CREM: variants seen among roughly 807,000 people sequenced by gnomAD.
CREM encodes cAMP responsive element modulator.
A neutral mutation model predicts 37.3 loss-of-function variants in CREM; 13 were observed. That is an observed-to-expected ratio of 0.35 (90% CI 0.23 to 0.55). CREM has a LOEUF of 0.55. CREM is among the 20% of genes least tolerant of loss of function. CREM has a pLI of 0.88. For synonymous variants in CREM, 124 were observed against 120.2 expected, an observed-to-expected ratio of 1.03 and a Z score of -0.21; for missense variants, 296 against 362.3, an observed-to-expected ratio of 0.82 and a Z score of 1.49.
intron 2 of CREM, 21 bp from the exon 3 acceptor site, chr10:35,148,347 T>A: frequency 6.2e-7 from 1 of 1,601,092 alleles, no homozygotes; most frequent in Non-Finnish European, 8.5e-7. Context: ...TAATTTGTCT[T>A]CCTTTTTATT....
At chr10:35,194,734 T>G (rs1216580176) in intron 6 of CREM, among the ~76,000 whole-genome samples, 1 of 137,396 alleles carries the variant, frequency 7.3e-6, no homozygotes, top group Non-Finnish European at 1.6e-5. Flanking sequence ...TTGCTGATAG[T>G]CAATGTGTTT....
In CREM at chr10:35,170,862, GT is replaced by G. The variant is rs1236848354; in HGVS notation, c.169-8023del. ...ATAAGGTTGACGCTCTTGCTTATAA[GT>G]TTTGGCCTAACCAGTGAGAATGTAG... On this transcript the variant is annotated intron_variant, in intron 3 of 7. Coordinates refer to ENST00000685392, the MANE Select transcript of CREM (RefSeq NM_183011.2). Among the ~76,000 whole-genome samples, 22 of 152,222 alleles carry G rather than the reference GT, an allele frequency of 1.4e-4. No individual in the cohort carries two copies. The East Asian group carries it at 3.9e-3, about 27-fold the overall frequency.
chr10:35,187,287 G>A (rs2094689816), intron 5 of CREM, among the ~76,000 whole-genome samples: 1 of 125,092 alleles, frequency 8.0e-6, no homozygotes, highest in Non-Finnish European at 1.6e-5. Flanking sequence ...TTTTTTAGAT[G>A]GAGTCTCTGT....
At chr10:35,143,047 T>A (rs2091639551) in intron 2 of CREM, among the ~76,000 whole-genome samples, 1 of 152,242 alleles carries the variant, frequency 6.6e-6, no homozygotes, top group African/African-American at 2.4e-5. Flanking sequence ...CTTGGCTTAC[T>A]GCAACCTCCA....
intron 3 of CREM, among the ~76,000 whole-genome samples, chr10:35,158,106 T>C (rs1288153542): frequency 6.6e-6 from 1 of 152,180 alleles, no homozygotes; most frequent in African/African-American, 2.4e-5. Context: ...TAAATGTTCA[T>C]GGATTGGAAG....
At chr10:35,147,214 C>T (rs969914327) in intron 2 of CREM, among the ~76,000 whole-genome samples, 5 of 151,616 alleles carry the variant, frequency 3.3e-5, no homozygotes, top group South Asian at 2.1e-4. Flanking sequence ...CGGTGGCGCC[C>T]GGCTAATTTT....
At chr10:35,173,822 A>G (rs772394566) in intron 3 of CREM, among the ~76,000 whole-genome samples, 32 of 152,312 alleles carry the variant, frequency 2.1e-4, no homozygotes, top group Admixed American at 3.9e-4. Flanking sequence ...CTGAATATCA[A>G]TCACAGAAAC....
In CREM at chr10:35,148,403, A is replaced by T. The variant is rs780803968; in HGVS notation, c.80A>T (p.Asp27Val). The T allele has an allele frequency of 6.2e-7, 1 of 1,613,186 alleles. No individual in the cohort carries two copies. Among genetic ancestry groups the T allele is most frequent in the African/African-American group, 1.3e-5 (1 of 74,882 alleles). ...MTMETVESQH[D>V]GSITASLTES... ...ATGGAAACAGTTGAATCCCAGCATG[A>T]TGGAAGTATAACAGCTTCTTTGACA... The change falls in exon 3 of 8, where the codon GAT becomes GTT. Residue 27 changes from aspartate (D) to valine (V), a missense_variant. Transcript: ENST00000685392.
At chr10:35,157,777 G>A (rs991983661) in intron 3 of CREM, among the ~76,000 whole-genome samples, 1 of 151,936 alleles carries the variant, frequency 6.6e-6, no homozygotes. Flanking sequence ...ACTTTTCCCT[G>A]TTCATAGATG....
At chr10:35,206,786 G>T in intron 6 of CREM, 109 bp from the exon 7 acceptor site, 1 of 992,652 alleles carries the variant, frequency 1.0e-6, no homozygotes, top group Non-Finnish European at 1.6e-6. Context: ...AACATTACAA[G>T]ATCACCTCTT....
intron 6 of CREM, chr10:35,195,214 G>A: frequency 1.2e-6 from 2 of 1,613,930 alleles, no homozygotes; most frequent in Admixed American, 1.7e-5. Flanking sequence ...AGATGACACA[G>A]GTAAGAATGT....
At chr10:35,189,753 C>T (rs1381778614) in intron 6 of CREM, among the ~76,000 whole-genome samples, 2 of 152,104 alleles carry the variant, frequency 1.3e-5, no homozygotes, top group African/African-American at 2.4e-5. Context: ...TGAGCTCAGG[C>T]AGTCCACCCA....
intron 5 of CREM, 49 bp downstream of exon 5, chr10:35,179,325 T>C: frequency 6.3e-7 from 1 of 1,580,890 alleles, no homozygotes; most frequent in Non-Finnish European, 8.6e-7. Flanking sequence ...TTAAGTCTTC[T>C]CTAGTTATAT....
rs2095680852 is a variant in CREM at position 35,212,819 on chromosome 10, A to T, written c.*1421A>T. On this transcript the variant is annotated 3_prime_UTR_variant, in exon 8 of 8. Coordinates refer to ENST00000685392, the MANE Select transcript of CREM (RefSeq NM_183011.2). ...AGATTTTTTCATTTCAAAATGCTTC[A>T]AAGTCCACATTAGATCAGATACTCC... 1 of 152,772 alleles carries T rather than the reference A, an allele frequency of 6.5e-6. No homozygotes were observed. The highest frequency in any genetic ancestry group is 2.1e-4 in the South Asian group (1 of 4,834). The allele number at this position is 152,772 out of a possible 1,614,324, so 9.5% of individuals were successfully genotyped here.
At chr10:35,158,815 T>G (rs1375214274) in intron 3 of CREM, among the ~76,000 whole-genome samples, 3 of 85,132 alleles carry the variant, frequency 3.5e-5, no homozygotes, top group African/African-American at 1.0e-4. Context: ...TTTTGTTGTT[T>G]TGTTTGTTTT....
intron 6 of CREM, among the ~76,000 whole-genome samples, chr10:35,196,871 T>TC: frequency 7.1e-6 from 1 of 140,566 alleles, no homozygotes; most frequent in East Asian, 2.0e-4. Context: ...TGTACTTTTT[T>TC]TTTTTTTTTT....
intron 6 of CREM, chr10:35,195,852 T>C (rs2095135343): frequency 1.8e-6 from 1 of 562,698 alleles, no homozygotes; most frequent in Non-Finnish European, 3.2e-6. Flanking sequence ...AGCTGCACAT[T>C]GACGTCAGCT....
rs2133710099 is a variant in CREM at position 35,188,288 on chromosome 10, A to C, written c.498A>C (p.Ser166=). Residue 166 remains serine (S), a synonymous_variant, in exon 6 of 8, where the codon TCA becomes TCC. Transcript: ENST00000685392. ...QGLQALTMTN[S]GAPPPGATIV... ...TGCAGGCATTAACAATGACAAATTC[A>C]GGAGCTCCTCCACCAGGTGCTACAA... is the stretch of plus-strand genomic sequence containing the variant. The C allele has an allele frequency of 6.2e-7, 1 of 1,614,200 alleles. No individual in the cohort carries two copies. Among genetic ancestry groups the C allele is most frequent in the South Asian group, 1.1e-5 (1 of 91,078 alleles).
Position 35,149,194 on chromosome 10 carries a change from G to A in CREM, c.168+703G>A, listed in dbSNP as rs1229707935. On this transcript the variant is annotated intron_variant, in intron 3 of 7. Transcript: ENST00000685392. ...AGGCCTACAGAAGAGGGAGCAGCCA[G>A]CTGACTAGGAGTGCTTTATATATCT... Among the ~76,000 whole-genome samples the A allele has an allele frequency of 2.6e-4, 39 of 152,186 alleles. 1 individual carries two copies. The highest frequency in any genetic ancestry group is 2.6e-3 in the Admixed American group (39 of 15,268).
Sources: allele counts gnomAD v4.1 joint callset (sites outside exome capture counted in the v4.1 genomes callset), GRCh38; gene constraint gnomAD v4.1.1; transcripts MANE v1.5; gene names NCBI Gene and HGNC (gene_info 2026-07-23, HGNC 2026-07-21).